The following R3HCC1L variants were observed in gnomAD, a reference collection of about 807,000 sequenced individuals.
R3HCC1L encodes the protein R3H domain and coiled-coil containing 1 like, also known as coiled-coil domain-containing protein R3HCC1L.
In R3HCC1L, 51 loss-of-function variants were observed where a neutral mutation model predicts 59.9. The ratio of observed to expected loss-of-function variants is 0.85; its 90% CI spans 0.68 to 1.07. The LOEUF is 1.07. Ranked by LOEUF, R3HCC1L falls within the 50% of genes least tolerant of loss-of-function variation. The probability of loss-of-function intolerance (pLI) is 0.00; values close to 1 mark genes in which losing one functional copy is unlikely to be tolerated. For missense variants in R3HCC1L, 965 were observed against 933.0 expected, an observed-to-expected ratio of 1.03 and a Z score of -0.45; for synonymous variants, 322 against 315.2, an observed-to-expected ratio of 1.02 and a Z score of -0.23.
intron 4 of R3HCC1L, among the ~76,000 whole-genome samples, chr10:98,200,561 G>A (rs536811646): frequency 1.4e-4 from 21 of 152,072 alleles, no homozygotes; most frequent in Non-Finnish European, 2.2e-4. Context: ...TATGCATTAA[G>A]TAAACTAAGG....
intron 4 of R3HCC1L, among the ~76,000 whole-genome samples, chr10:98,165,125 G>A (rs1847808312): frequency 6.6e-6 from 1 of 152,152 alleles, no homozygotes; most frequent in African/African-American, 2.4e-5. Context: ...GCTGGGCATG[G>A]TGGTGTACGC....
chr10:98,142,296 A>T (rs1335384423), intron 1 of R3HCC1L, among the ~76,000 whole-genome samples: 1 of 152,188 alleles, frequency 6.6e-6, no homozygotes, highest in Non-Finnish European at 1.5e-5. Flanking sequence ...AAATCAACTC[A>T]TGATCTCACC....
intron 5 of R3HCC1L, among the ~76,000 whole-genome samples, chr10:98,228,031 G>A (rs1051766794): frequency 3.0e-4 from 45 of 152,104 alleles, no homozygotes; most frequent in Non-Finnish European, 4.4e-4. Flanking sequence ...GAAAAGAGCC[G>A]CAACAAACAT....
At chr10:98,219,168 TC>T (rs1854577966) in intron 5 of R3HCC1L, among the ~76,000 whole-genome samples, 1 of 152,236 alleles carries the variant, frequency 6.6e-6, no homozygotes, top group Non-Finnish European at 1.5e-5. Flanking sequence ...TGCCTTGGCC[TC>T]CCAAAGTGTT....
rs141994006 is a variant in R3HCC1L, at chr10:98,210,262, A to G, written c.1785+363A>G. On this transcript the variant is annotated intron_variant, in intron 5 of 9. Coordinates refer to ENST00000298999, the MANE Select transcript of R3HCC1L (RefSeq NM_001351015.2). Reference sequence around the variant, plus strand: ...AGGAGAATAATTTATTACTATTGTTATTTATATTTTATTTTCTAGTGGATG... The same window carrying G: ...AGGAGAATAATTTATTACTATTGTTGTTTATATTTTATTTTCTAGTGGATG... Among the ~76,000 whole-genome samples the G allele has an allele frequency of 1.4e-4, 22 of 152,260 alleles. No individual in the cohort carries two copies. The East Asian group carries it at 4.0e-3, about 28-fold the overall frequency.
At chr10:98,217,307 G>C (rs1324893214) in intron 5 of R3HCC1L, among the ~76,000 whole-genome samples, 1 of 152,102 alleles carries the variant, frequency 6.6e-6, no homozygotes, top group Non-Finnish European at 1.5e-5. Flanking sequence ...TGGTGCCTTT[G>C]TCGAAAATCA....
intron 1 of R3HCC1L, among the ~76,000 whole-genome samples, chr10:98,153,749 C>T (rs957920905): frequency 1.3e-5 from 2 of 150,096 alleles, no homozygotes; most frequent in African/African-American, 2.5e-5. Context: ...AAGGTCATGC[C>T]AAGTAAGGAT....
chr10:98,164,129 A>G (rs1181112765), intron 4 of R3HCC1L, among the ~76,000 whole-genome samples: 1 of 152,228 alleles, frequency 6.6e-6, no homozygotes, highest in Non-Finnish European at 1.5e-5. Flanking sequence ...GGTCACAGCA[A>G]CCGTCAGAAG....
intron 4 of R3HCC1L, chr10:98,174,520 A>G (rs1848806594): frequency 1.1e-6 from 1 of 884,812 alleles, no homozygotes; most frequent in Non-Finnish European, 1.4e-6. Flanking sequence ...GCATTCATAA[A>G]TGAAACAGTT....
At chr10:98,223,081 T>C (rs1326239709) in intron 5 of R3HCC1L, among the ~76,000 whole-genome samples, 6 of 152,118 alleles carry the variant, frequency 3.9e-5, no homozygotes, top group Non-Finnish European at 4.4e-5. Context: ...CAGGACCAGA[T>C]GGATTCACAG....
At position 98,209,689 on chromosome 10, in the gene R3HCC1L, C is replaced by G; in HGVS notation, c.1575C>G (p.Ala525=). 1 of 1,613,856 alleles carries G rather than the reference C, an allele frequency of 6.2e-7. No homozygotes were observed. The highest frequency in any genetic ancestry group is 8.5e-7 in the Non-Finnish European group (1 of 1,179,914). ...TTEALHELRT[A]EEFKTEEQDD... ...AAGCATTGCACGAACTAAGAACTGCCGAAGAGTTCAAAACAGAAGAGCAAG... is the reference window on the plus strand; with the variant it reads ...AAGCATTGCACGAACTAAGAACTGCGGAAGAGTTCAAAACAGAAGAGCAAG... The change falls in exon 5 of 10, where the codon GCC becomes GCG. Residue 525 remains alanine (A), a synonymous_variant. Coordinates refer to ENST00000298999, the MANE Select transcript of R3HCC1L (RefSeq NM_001351015.2).
intron 4 of R3HCC1L, among the ~76,000 whole-genome samples, chr10:98,171,836 G>A (rs1160334275): frequency 6.6e-6 from 1 of 152,076 alleles, no homozygotes; most frequent in Non-Finnish European, 1.5e-5. Context: ...ATGATAAGAT[G>A]GAAGGAACAA....
chr10:98,197,475 A>G (rs1402521619), intron 4 of R3HCC1L, among the ~76,000 whole-genome samples: 3 of 152,078 alleles, frequency 2.0e-5, no homozygotes, highest in Admixed American at 2.0e-4. Flanking sequence ...AGCCTTATAC[A>G]TTATAGGATG....
intron 4 of R3HCC1L, among the ~76,000 whole-genome samples, chr10:98,203,810 G>A (rs1238358504): frequency 6.6e-6 from 1 of 152,218 alleles, no homozygotes; most frequent in Non-Finnish European, 1.5e-5. Flanking sequence ...GGAAACTGTA[G>A]AAGTAATTGG....
chr10:98,150,127 T>C lies in R3HCC1L; in HGVS notation c.-267-5966T>C, dbSNP rs1157381090. ...TCAGTTCAGCAAATGTATTTCTGAG[T>C]TCCAATATTTGATTTCTTATACTAT... On this transcript the variant is annotated intron_variant, in intron 1 of 9. Transcript: ENST00000298999. Among the ~76,000 whole-genome samples, 3 of 152,358 alleles carry C rather than the reference T, an allele frequency of 2.0e-5. No homozygotes were observed. The East Asian group carries it at 5.8e-4, about 29-fold the overall frequency.
intron 1 of R3HCC1L, among the ~76,000 whole-genome samples, chr10:98,150,917 A>G (rs1846091176): frequency 6.6e-6 from 1 of 152,120 alleles, no homozygotes; most frequent in South Asian, 2.1e-4. Context: ...AGATCCTACG[A>G]TGGTGGGAAG....
intron 4 of R3HCC1L, among the ~76,000 whole-genome samples, chr10:98,179,476 T>C (rs1417998751): frequency 6.6e-6 from 1 of 152,226 alleles, no homozygotes; most frequent in Non-Finnish European, 1.5e-5. Flanking sequence ...GGGATTTTAC[T>C]TAGGATTTTC....
chr10:98,188,887 G>A (rs1196755441), intron 4 of R3HCC1L, among the ~76,000 whole-genome samples: 4 of 151,898 alleles, frequency 2.6e-5, no homozygotes, highest in Non-Finnish European at 4.4e-5. Context: ...TTGTTGCCTC[G>A]GTTTTATCAT....
In R3HCC1L at chr10:98,244,103, T is replaced by C; in HGVS notation, c.2282T>C (p.Leu761Ser). 6.2e-7 allele frequency: 1 copy of C among 1,614,018 alleles called. No homozygotes were observed. Among genetic ancestry groups the C allele is most frequent in the Non-Finnish European group, 8.5e-7 (1 of 1,179,904 alleles). The stretch of plus-strand genomic sequence containing the variant: ...CTCTTATTTACAGAGAGAAAGCGGT[T>C]GGAAGCCAAGCAACGGGAAGACATC... ...KLQEARERKR[L>S]EAKQREDIWE... The change falls in exon 10 of 10, where the codon TTG becomes TCG. Residue 761 changes from leucine (L) to serine (S), a missense_variant. By Grantham distance (145) the Leu-to-Ser change is moderately radical. Transcript: ENST00000298999.
Sources: allele counts gnomAD v4.1 joint callset (sites outside exome capture counted in the v4.1 genomes callset), GRCh38; gene constraint gnomAD v4.1.1; transcripts MANE v1.5; gene names NCBI Gene and HGNC (gene_info 2026-07-23, HGNC 2026-07-21).